LTB: variants seen among roughly 807,000 people sequenced by gnomAD.
LTB encodes the protein lymphotoxin beta, also known as lymphotoxin-beta.
A neutral mutation model predicts 14.7 loss-of-function variants in LTB; 17 were observed. The observed-to-expected ratio is 1.16, with a 90% CI of 0.79 to 1.73. The LOEUF is 1.73. Ranked by LOEUF, LTB falls within the 40% of genes most tolerant of loss-of-function variation. The probability of loss-of-function intolerance (pLI) is 0.00; values close to 1 mark genes in which losing one functional copy is unlikely to be tolerated. For missense variants in LTB, 288 were observed against 324.3 expected (o/e 0.89, Z 0.86); for synonymous variants, 163 against 157.3 (o/e 1.04, Z -0.27).
At chr6:31,581,999 A>G (rs558908557) in intron 1 of LTB, 140 bp from the exon 2 acceptor site, 2 of 905,732 alleles carry the variant, frequency 2.2e-6, no homozygotes, top group East Asian at 2.5e-5. Flanking sequence ...AGAAGGGAGA[A>G]CAAGCAAGGC....
At position 31,581,872 on chromosome 6, in the gene LTB, G is replaced by C. The variant is rs376604338; in HGVS notation, c.163-13C>G. The C allele has an allele frequency of 6.3e-7, 1 of 1,575,828 alleles. No individual in the cohort carries two copies. Among genetic ancestry groups the C allele is most frequent in the Non-Finnish European group, 8.6e-7 (1 of 1,163,812 alleles). On this transcript the variant is annotated splice_polypyrimidine_tract_variant and intron_variant, in intron 1 of 3. Coordinates refer to ENST00000429299, the MANE Select transcript of LTB (RefSeq NM_002341.2). ...CCGTCTCCGTTACCTGGTTGGGTGGGGTCACAGTGCCCAGAGTTCAGATTC... is the reference window on the plus strand; with the variant it reads ...CCGTCTCCGTTACCTGGTTGGGTGGCGTCACAGTGCCCAGAGTTCAGATTC...
intron 3 of LTB, 41 bp downstream of exon 3, chr6:31,581,518 C>T (rs1771506050): frequency 6.3e-7 from 1 of 1,581,770 alleles, no homozygotes; most frequent in South Asian, 1.1e-5. Context: ...CTGGAACCTT[C>T]GGATTATTTA....
chr6:31,580,710 C>A lies in LTB; in HGVS notation c.734G>T (p.Ter245LeuextTer27). 1 of 1,607,604 alleles carries A rather than the reference C, an allele frequency of 6.2e-7. No homozygotes were observed. The highest frequency in any genetic ancestry group is 8.5e-7 in the Non-Finnish European group (1 of 1,176,406). The change falls in exon 4 of 4, where the codon TGA (stop) becomes TTA (leucine). Residue 245 changes from the stop codon to leucine (L), a stop_lost. Transcript: ENST00000429299. This position sits in a 1 kb window ranked among gnomAD's most constrained non-coding sequence, Gnocchi z 6.6. ...CTCGCACCACGCACTCATATTCCCT[C>A]ACCCCACCATCACGGCCCCAAAGAA... ...KTFFGAVMVG[*>L]
intron 1 of LTB, 35 bp downstream of exon 1, chr6:31,582,221 A>T (rs4647178): frequency 6.2e-7 from 1 of 1,609,482 alleles, no homozygotes; most frequent in Non-Finnish European, 8.5e-7. Flanking sequence ...TCCGCAAGAT[A>T]CAACTCTCCA....
intron 1 of LTB, 125 bp from the exon 2 acceptor site, chr6:31,581,984 TCCTTAGAAG>T (rs1319542535): frequency 4.0e-6 from 4 of 988,030 alleles, no homozygotes; most frequent in Non-Finnish European, 4.6e-6. Flanking sequence ...AACACACACC[TCCTTAGAAG>T]GGAGAACAAG....
chr6:31,580,637 T>C lies in LTB; in HGVS notation c.*72A>G. On this transcript the variant is annotated 3_prime_UTR_variant, in exon 4 of 4. Transcript: ENST00000429299. This position sits in a 1 kb window ranked among gnomAD's most constrained non-coding sequence, Gnocchi z 6.6. ...ATTTCCAAACAGTCTCCTACATTTT[T>C]CCCACTGCCATGGGGTCCTGGGCGT... 13 of 1,344,900 alleles carry C rather than the reference T, an allele frequency of 9.7e-6. No homozygotes were observed. Among genetic ancestry groups the C allele is most frequent in the South Asian group, 1.4e-5 (1 of 73,456 alleles). The allele number at this position is 1,344,900 out of a possible 1,614,324, so 83.3% of individuals were successfully genotyped here.
Position 31,580,624 on chromosome 6 carries a change from T to G in LTB, c.*85A>C. On this transcript the variant is annotated 3_prime_UTR_variant, in exon 4 of 4. Transcript: ENST00000429299. This position sits in a 1 kb window ranked among gnomAD's most constrained non-coding sequence, Gnocchi z 6.6. ...AGGTTCAAAATCAATTTCCAAACAG[T>G]CTCCTACATTTTTCCCACTGCCATG... 8.3e-7 allele frequency: 1 copy of G among 1,205,880 alleles called. No homozygotes were observed. The highest frequency in any genetic ancestry group is 1.2e-6 in the Non-Finnish European group (1 of 850,336). 74.7% of individuals were successfully genotyped at this position (1,205,880 alleles called of 1,614,324 possible).
At position 31,580,836 on chromosome 6, in the gene LTB, G is replaced by C; in HGVS notation, c.608C>G (p.Thr203Arg). ...RRQGYGPLWY[T>R]SVGFGGLVQL... The stretch of plus-strand genomic sequence containing the variant: ...CACCAGGCCGCCGAACCCCACGCTC[G>C]TGTACCAGAGAGGCCCGTACCCTTG... Residue 203 changes from threonine (T) to arginine (R), a missense_variant, in exon 4 of 4, where the codon ACG (threonine) becomes AGG (arginine). By Grantham distance (71) the Thr-to-Arg change is moderately conservative. Around this residue, in one of 2 missense-constraint regions of LTB, gnomAD observed 284 missense variants for 299.2 expected, o/e 0.95. Coordinates refer to ENST00000429299, the MANE Select transcript of LTB (RefSeq NM_002341.2). This position sits in a 1 kb window ranked among gnomAD's most constrained non-coding sequence, Gnocchi z 6.6. 6.2e-7 allele frequency: 1 copy of C among 1,612,132 alleles called. No homozygotes were observed. The highest frequency in any genetic ancestry group is 8.5e-7 in the Non-Finnish European group (1 of 1,179,614).
At position 31,581,048 on chromosome 6, in the gene LTB, G is replaced by C. The variant is rs768674004; in HGVS notation, c.396C>G (p.Leu132=). The C allele has an allele frequency of 1.2e-6, 2 of 1,607,502 alleles. No individual in the cohort carries two copies. Among genetic ancestry groups the C allele is most frequent in the Non-Finnish European group, 1.7e-6 (2 of 1,177,636 alleles). ...AEGLALPQDG[L]YYLYCLVGYR... is the part of the protein sequence containing the mutation. ...AGCCGACGAGACAGTAGAGGTAATA[G>C]AGGCCGTCCTGCGGGAGCGCCAGCC... is the stretch of plus-strand genomic sequence containing the variant. The change falls in exon 4 of 4, where the codon CTC becomes CTG. Residue 132 remains leucine (L), a synonymous_variant. Coordinates refer to ENST00000429299, the MANE Select transcript of LTB (RefSeq NM_002341.2).
chr6:31,581,398 C>G (rs1771497875), intron 3 of LTB, among the ~76,000 whole-genome samples, 161 bp downstream of exon 3: 2 of 152,190 alleles, frequency 1.3e-5, no homozygotes, highest in Middle Eastern at 3.4e-3. Flanking sequence ...GAAGAAGAAA[C>G]TACACTGCGG....
At chr6:31,582,194 C>G in intron 1 of LTB, 62 bp downstream of exon 1, 2 of 1,594,230 alleles carry the variant, frequency 1.3e-6, no homozygotes, top group Non-Finnish European at 8.6e-7. Flanking sequence ...ACAGGCACAA[C>G]CAGAGGGAGC....
chr6:31,581,021 G>A lies in LTB; in HGVS notation c.423C>T (p.Tyr141=). 6.3e-7 allele frequency: 1 copy of A among 1,578,142 alleles called. No individual in the cohort carries two copies. The highest frequency in any genetic ancestry group is 8.6e-7 in the Non-Finnish European group (1 of 1,162,014). ...GLYYLYCLVG[Y]RGRAPPGGGD... is the part of the protein sequence containing the mutation. Reference sequence around the variant, plus strand: ...CGCCGCCAGGGGGCGCCCGGCCCCGGTAGCCGACGAGACAGTAGAGGTAAT... The same window carrying A: ...CGCCGCCAGGGGGCGCCCGGCCCCGATAGCCGACGAGACAGTAGAGGTAAT... Residue 141 remains tyrosine (Y), a synonymous_variant, in exon 4 of 4, where the codon TAC becomes TAT. Coordinates refer to ENST00000429299, the MANE Select transcript of LTB (RefSeq NM_002341.2).
chr6:31,581,002 C>T lies in LTB; in HGVS notation c.442G>A (p.Gly148Ser). 1 of 1,567,066 alleles carries T rather than the reference C, an allele frequency of 6.4e-7. No individual in the cohort carries two copies. The highest frequency in any genetic ancestry group is 1.2e-5 in the South Asian group (1 of 86,754). The change falls in exon 4 of 4, where the codon GGC becomes AGC. Residue 148 changes from glycine to serine, a missense_variant. By Grantham distance (56) the Gly-to-Ser change is moderately conservative. Transcript: ENST00000429299. Reference sequence around the variant, plus strand: ...GAGCGGCCCTGGGGGTCCCCGCCGCCAGGGGGCGCCCGGCCCCGGTAGCCG... The same window carrying T: ...GAGCGGCCCTGGGGGTCCCCGCCGCTAGGGGGCGCCCGGCCCCGGTAGCCG... ...LVGYRGRAPP[G>S]GGDPQGRSVT...
At position 31,581,639 on chromosome 6, in the gene LTB, G is replaced by A. The variant is rs367597516; in HGVS notation, c.209-9C>T. 3 of 1,612,870 alleles carry A rather than the reference G, an allele frequency of 1.9e-6. No homozygotes were observed. The highest frequency in any genetic ancestry group is 2.5e-6 in the Non-Finnish European group (3 of 1,179,868). On this transcript the variant is annotated splice_polypyrimidine_tract_variant and intron_variant, in intron 2 of 3. Transcript: ENST00000429299. The stretch of plus-strand genomic sequence containing the variant: ...TGGCAGCTTCTGAAACCCTGGAAGG[G>A]GCAAAGAGTCCACGATTGGGGGCAG...
At chr6:31,581,445 CGTGAAGCGGGTGGGAAACCGAGCACT>C in intron 3 of LTB, 88 bp downstream of exon 3, 1 of 1,018,582 alleles carries the variant, frequency 9.8e-7, no homozygotes, top group Non-Finnish European at 1.5e-6. Flanking sequence ...GACAAAAGGT[CGTGAAGCGGGTGGGAAACCGAGCACT>C]GGAATCATGG....
At position 31,580,562 on chromosome 6, in the gene LTB, T is replaced by C; in HGVS notation, c.*147A>G. 1.3e-6 allele frequency: 1 copy of C among 771,430 alleles called. No individual in the cohort carries two copies. The highest frequency in any genetic ancestry group is 2.6e-5 in the East Asian group (1 of 37,766). The allele number at this position is 771,430 out of a possible 1,614,324, so 47.8% of individuals were successfully genotyped here. On this transcript the variant is annotated 3_prime_UTR_variant, in exon 4 of 4. Coordinates refer to ENST00000429299, the MANE Select transcript of LTB (RefSeq NM_002341.2). This position sits in a 1 kb window ranked among gnomAD's most constrained non-coding sequence, Gnocchi z 6.6. ...CGTGTGTCGCAACTCAGCATCTTTA[T>C]CGGCAGCACTGAAGCTTTCCATTCT... is the stretch of plus-strand genomic sequence containing the variant.
intron 2 of LTB, 68 bp downstream of exon 2, chr6:31,581,746 G>A: frequency 1.2e-6 from 2 of 1,605,714 alleles, no homozygotes; most frequent in East Asian, 2.2e-5. Flanking sequence ...GAGGTATCTG[G>A]GGACGCAGCA....
chr6:31,581,980 C>T (rs565846321), intron 1 of LTB, 121 bp from the exon 2 acceptor site: 1 of 1,017,322 alleles, frequency 9.8e-7, no homozygotes, highest in Non-Finnish European at 1.5e-6. Flanking sequence ...CCCCAACACA[C>T]ACCTCCTTAG....
At chr6:31,581,513 A>G (rs750985995) in intron 3 of LTB, 46 bp downstream of exon 3, 1 of 1,559,190 alleles carries the variant, frequency 6.4e-7, no homozygotes, top group Admixed American at 1.7e-5. Context: ...CAGAACTGGA[A>G]CCTTCGGATT....
Sources: allele counts gnomAD v4.1 joint callset (sites outside exome capture counted in the v4.1 genomes callset), GRCh38; gene constraint gnomAD v4.1.1; regional missense constraint gnomAD v4.1.1; non-coding constraint Gnocchi (gnomAD v3.1); transcripts MANE v1.5; gene names NCBI Gene and HGNC (gene_info 2026-07-23, HGNC 2026-07-21).